The following C12orf42 variants were observed in gnomAD, a reference collection of about 807,000 sequenced individuals.
C12orf42 encodes the protein uncharacterized protein C12orf42.
A neutral mutation model predicts 21.6 loss-of-function variants in C12orf42; 25 were observed. The observed-to-expected ratio is 1.16, with a 90% CI of 0.84 to 1.62. The LOEUF is 1.62. Ranked by LOEUF, C12orf42 falls within the 40% of genes most tolerant of loss-of-function variation. The probability of loss-of-function intolerance (pLI) is 0.00; values close to 1 mark genes in which losing one functional copy is unlikely to be tolerated. For synonymous variants in C12orf42, 174 were observed against 175.0 expected (o/e 0.99, Z 0.05); for missense variants, 483 against 459.3 (o/e 1.05, Z -0.47).
rs1390169875 is a variant in C12orf42, at chr12:103,412,890, T to A, written c.79-11215A>T. On this transcript the variant is annotated intron_variant, in intron 2 of 5. Coordinates refer to ENST00000548883, the MANE Select transcript of C12orf42 (RefSeq NM_198521.5). The stretch of plus-strand genomic sequence containing the variant: ...TTGTGGGATGCATAGTTTGCAAATA[T>A]CTTCTCCCATTTTGTAGGTTCTGTT... 6.6e-5 allele frequency among the ~76,000 whole-genome samples: 10 copies of A among 152,236 alleles called. No homozygotes were observed. In the East Asian group the frequency reaches 1.9e-3, roughly 29 times the overall value.
At chr12:103,405,066 G>C (rs1432775376) in intron 2 of C12orf42, among the ~76,000 whole-genome samples, 1 of 152,204 alleles carries the variant, frequency 6.6e-6, no homozygotes, top group East Asian at 1.9e-4. Context: ...ATGAGTGTTT[G>C]ACCACAGCCT....
chr12:103,343,928 A>G lies in C12orf42; in HGVS notation c.259+24959T>C, dbSNP rs568448080. ...CCAGGGCTGTTAGTTCTAATGGTAC[A>G]AATTCTTTGAATTGAAAACATATTA... is the stretch of plus-strand genomic sequence containing the variant. On this transcript the variant is annotated intron_variant, in intron 4 of 5. Transcript: ENST00000548883. 5.1e-4 allele frequency among the ~76,000 whole-genome samples: 77 copies of G among 152,352 alleles called. 1 individual carries two copies. The highest frequency in any genetic ancestry group is 3.4e-3 in the Middle Eastern group (1 of 294).
In C12orf42 at chr12:103,345,311, T is replaced by C. The variant is rs1383392734; in HGVS notation, c.259+23576A>G. ...GCAGATAATAATAGGACCTTACTCA[T>C]AGGATTCCTGTGAGGATCAAATAAG... On this transcript the variant is annotated intron_variant, in intron 4 of 5. Transcript: ENST00000548883. Among the ~76,000 whole-genome samples, 5 of 152,284 alleles carry C rather than the reference T, an allele frequency of 3.3e-5. No individual in the cohort carries two copies. In the South Asian group the frequency reaches 8.3e-4, roughly 25 times the overall value.
chr12:103,365,024 C>A (rs1017718207), intron 4 of C12orf42, among the ~76,000 whole-genome samples: 16 of 151,170 alleles, frequency 1.1e-4, no homozygotes, highest in African/African-American at 3.9e-4. Flanking sequence ...AAGGGCATAA[C>A]AAAAAAATAC....
At chr12:103,488,943 T>G (rs1304788141) in intron 1 of C12orf42, among the ~76,000 whole-genome samples, 1 of 152,236 alleles carries the variant, frequency 6.6e-6, no homozygotes, top group Non-Finnish European at 1.5e-5. Context: ...TGAAGCCTAC[T>G]TCTGTCAACT....
the C12orf42 span, among the ~76,000 whole-genome samples, chr12:103,141,046 G>A: frequency 6.6e-6 from 1 of 152,280 alleles, no homozygotes; most frequent in South Asian, 2.1e-4. Flanking sequence ...AAGGTGAAAG[G>A]AGTCAAGGCC....
the C12orf42 span, among the ~76,000 whole-genome samples, chr12:103,104,185 G>T: frequency 6.6e-6 from 1 of 152,192 alleles, no homozygotes; most frequent in Non-Finnish European, 1.5e-5. Context: ...GTGAGCACTT[G>T]CAGTCTGGCA....
the C12orf42 span, among the ~76,000 whole-genome samples, chr12:103,185,504 C>T: frequency 2.0e-5 from 3 of 151,782 alleles, no homozygotes; most frequent in Non-Finnish European, 2.9e-5. Flanking sequence ...TTATTCCTTC[C>T]CTCTTTCCTT....
At chr12:103,535,254 T>C in the C12orf42 span, among the ~76,000 whole-genome samples, 1 of 152,140 alleles carries the variant, frequency 6.6e-6, no homozygotes, top group Admixed American at 6.6e-5. Flanking sequence ...AAGGATAGTT[T>C]TATAACAAGA....
At chr12:103,494,862 GT>G (rs1955414339) in intron 1 of C12orf42, among the ~76,000 whole-genome samples, 2 of 152,170 alleles carry the variant, frequency 1.3e-5, no homozygotes, top group South Asian at 4.1e-4. Context: ...AGGAGGTTAC[GT>G]GAATGGGAGG....
At chr12:103,548,838 C>T in the C12orf42 span, 1 of 152,138 alleles carries the variant, frequency 6.6e-6, no homozygotes, top group Non-Finnish European at 1.5e-5. Flanking sequence ...ATTCTGTGAA[C>T]ATGCATCTTG....
chr12:103,297,427 C>T (rs754613386), downstream of C12orf42, among the ~76,000 whole-genome samples: 133 of 152,166 alleles, frequency 8.7e-4, no homozygotes, highest in Non-Finnish European at 1.8e-3. Flanking sequence ...TCTGAATAGA[C>T]CAATAACAGG....
chr12:103,429,751 A>C (rs12296677), intron 2 of C12orf42, among the ~76,000 whole-genome samples: 1 of 152,046 alleles, frequency 6.6e-6, no homozygotes, highest in Non-Finnish European at 1.5e-5. Context: ...AAAACAGCAT[A>C]GTACTGGTAC....
At chr12:103,255,576 T>C (rs185861666) in intron 10 of C12orf42, among the ~76,000 whole-genome samples, 2 of 152,288 alleles carry the variant, frequency 1.3e-5, no homozygotes, top group African/African-American at 4.8e-5. Context: ...TTGTTTTCTA[T>C]TTAATAATAC....
the C12orf42 span, among the ~76,000 whole-genome samples, chr12:103,102,469 C>T: frequency 1.3e-5 from 2 of 152,158 alleles, no homozygotes; most frequent in African/African-American, 4.8e-5. Context: ...ATCTCTCTGT[C>T]TTACTAGGGT....
chr12:103,167,353 C>T, the C12orf42 span, among the ~76,000 whole-genome samples: 6,623 of 152,222 alleles, frequency 0.044, 376 homozygotes, highest in East Asian at 0.3. Context: ...ATAGGGTTCC[C>T]GGAGATTTAC....
At chr12:103,310,254 ACTCTCTCT>A (rs142832022) in intron 4 of C12orf42, among the ~76,000 whole-genome samples, 1 of 136,052 alleles carries the variant, frequency 7.4e-6, no homozygotes, top group African/African-American at 2.7e-5. Flanking sequence ...CTTCTCCCCT[ACTCTCTCT>A]CTCTCTCTCT....
At chr12:103,477,886 G>A in intron 2 of C12orf42, 1 of 167,804 alleles carries the variant, frequency 6.0e-6, no homozygotes, top group Non-Finnish European at 1.3e-5. Flanking sequence ...ACTTGTTACA[G>A]CAGCAACAGA....
At chr12:103,194,150 A>T in the C12orf42 span, among the ~76,000 whole-genome samples, 2 of 152,064 alleles carry the variant, frequency 1.3e-5, no homozygotes, top group Non-Finnish European at 2.9e-5. Context: ...AAACTCAAAA[A>T]ATCAGATATG....
Sources: allele counts gnomAD v4.1 joint callset (sites outside exome capture counted in the v4.1 genomes callset), GRCh38; gene constraint gnomAD v4.1.1; transcripts MANE v1.5; gene names NCBI Gene and HGNC (gene_info 2026-07-23, HGNC 2026-07-21).